The following CPM variants were observed in gnomAD, a reference collection of about 807,000 sequenced individuals.
The protein encoded by CPM is carboxypeptidase M, also known as renal carboxypeptidase.
A neutral mutation model predicts 46.4 loss-of-function variants in CPM; 35 were observed. The ratio of observed to expected loss-of-function variants is 0.75; its 90% CI spans 0.58 to 1.00. The LOEUF (loss-of-function observed/expected upper bound fraction) is 1.00, where lower values mean the gene tolerates loss of function less well. Among genes scored for constraint, CPM ranks in the 50% least tolerant of loss-of-function variants. CPM has a pLI of 0.00. For synonymous variants in CPM, 195 were observed against 195.3 expected (o/e 1.00, Z 0.01); for missense variants, 422 against 530.4 (o/e 0.80, Z 2.01).
upstream of CPM, chr12:68,963,322 C>A: frequency 6.1e-6 from 1 of 162,756 alleles, no homozygotes; most frequent in Non-Finnish European, 1.3e-5. Context: ...ACATCATACC[C>A]TTTTGTCCAG....
chr12:68,880,704 C>A (rs74099458), intron 3 of CPM, among the ~76,000 whole-genome samples: 2 of 152,140 alleles, frequency 1.3e-5, no homozygotes, highest in African/African-American at 4.8e-5. Context: ...CCTGGGCCCC[C>A]TTCATGGTAC....
intron 1 of CPM, among the ~76,000 whole-genome samples, chr12:68,944,233 G>A (rs61926309): frequency 0.16 from 25,023 of 152,028 alleles, 2,143 homozygotes; most frequent in Middle Eastern, 0.2. Flanking sequence ...CTAATAATAT[G>A]CTAAGCACTA....
At chr12:68,872,513 A>C (rs1285159350) in intron 3 of CPM, among the ~76,000 whole-genome samples, 1 of 152,160 alleles carries the variant, frequency 6.6e-6, no homozygotes, top group South Asian at 2.1e-4. Context: ...TCAGACACCC[A>C]AAGTGCTGGG....
chr12:68,859,316 A>G (rs530475688), intron 7 of CPM, among the ~76,000 whole-genome samples: 1 of 152,340 alleles, frequency 6.6e-6, no homozygotes, highest in Admixed American at 6.5e-5. Context: ...AGTACGTATT[A>G]TCACAGTGAG....
At chr12:68,933,322 G>A (rs994531907), upstream of CPM, 2 of 151,770 alleles carry the variant, frequency 1.3e-5, no homozygotes, top group African/African-American at 4.8e-5. Flanking sequence ...GAGAGACGGC[G>A]CCCGCGCGGT....
chr12:68,924,737 A>T (rs991547727), intron 2 of CPM, among the ~76,000 whole-genome samples: 2 of 152,196 alleles, frequency 1.3e-5, no homozygotes, highest in Non-Finnish European at 2.9e-5. Flanking sequence ...GATCTCAAGC[A>T]AACTGGTTTT....
chr12:68,928,850 CTG>C (rs1888381543), intron 2 of CPM, among the ~76,000 whole-genome samples: 4 of 151,984 alleles, frequency 2.6e-5, no homozygotes, highest in Non-Finnish European at 5.9e-5. Context: ...AGTGATTCTC[CTG>C]CCTCAGTTTC....
At chr12:68,918,612 TAATCC>T (rs200988350) in intron 2 of CPM, among the ~76,000 whole-genome samples, 6 of 151,582 alleles carry the variant, frequency 4.0e-5, no homozygotes, top group Admixed American at 1.3e-4. Flanking sequence ...CAATCCAATC[TAATCC>T]AATCCAATCC....
At chr12:68,946,759 C>T (rs1269796546) in intron 1 of CPM, among the ~76,000 whole-genome samples, 3 of 152,116 alleles carry the variant, frequency 2.0e-5, no homozygotes, top group Non-Finnish European at 2.9e-5. Flanking sequence ...ATGCAAATAG[C>T]GATACTACCA....
At chr12:68,943,812 C>A (rs1037262022) in intron 1 of CPM, among the ~76,000 whole-genome samples, 6 of 151,986 alleles carry the variant, frequency 3.9e-5, no homozygotes, top group Non-Finnish European at 8.8e-5. Context: ...AATATACTTA[C>A]TGAAATTTAT....
At chr12:68,957,689 G>GATTATTATTATTATTATT (rs58290286) in intron 1 of CPM, 103 of 151,746 alleles carry the variant, frequency 6.8e-4, no homozygotes, top group African/African-American at 2.1e-3. Flanking sequence ...CTAAAAAGGG[G>GATTATTATTATTATTATT]ATTATTATTA....
At chr12:68,889,546 A>G (rs1274189501) in intron 2 of CPM, among the ~76,000 whole-genome samples, 1 of 152,180 alleles carries the variant, frequency 6.6e-6, no homozygotes, top group South Asian at 2.1e-4. Flanking sequence ...ATAATGGATG[A>G]GGCCAGGTGT....
At chr12:68,954,328 G>A (rs1888979223) in intron 1 of CPM, among the ~76,000 whole-genome samples, 1 of 152,110 alleles carries the variant, frequency 6.6e-6, no homozygotes, top group African/African-American at 2.4e-5. Flanking sequence ...CTCTGAAACT[G>A]CCCTATAAAG....
intron 2 of CPM, among the ~76,000 whole-genome samples, chr12:68,922,066 C>T (rs2136307944): frequency 6.6e-6 from 1 of 152,186 alleles, no homozygotes; most frequent in East Asian, 1.9e-4. Flanking sequence ...TCTATGTGAA[C>T]ATAGAGTTAC....
intron 2 of CPM, chr12:68,913,895 T>G (rs933753039): frequency 4.3e-6 from 3 of 700,378 alleles, no homozygotes; most frequent in East Asian, 2.6e-5. Context: ...GACCTCAGTA[T>G]GCAACAAGAT....
At chr12:68,948,282 C>G (rs1888879268) in intron 1 of CPM, among the ~76,000 whole-genome samples, 1 of 152,100 alleles carries the variant, frequency 6.6e-6, no homozygotes. Context: ...AAGTGTGAAG[C>G]TATCTGTTTT....
intron 1 of CPM, among the ~76,000 whole-genome samples, chr12:68,942,228 CCAAA>C (rs1303233215): frequency 6.6e-6 from 1 of 152,068 alleles, no homozygotes; most frequent in Admixed American, 6.5e-5. Context: ...CTATCAAAAA[CCAAA>C]CAGAGTAGTT....
At chr12:68,956,780 C>T (rs1405475105) in intron 1 of CPM, among the ~76,000 whole-genome samples, 1 of 152,196 alleles carries the variant, frequency 6.6e-6, no homozygotes, top group East Asian at 1.9e-4. Context: ...TGTAAAAGCT[C>T]TATTAATGGC....
At chr12:68,954,559 T>C (rs899318540) in intron 1 of CPM, among the ~76,000 whole-genome samples, 3 of 152,086 alleles carry the variant, frequency 2.0e-5, no homozygotes, top group African/African-American at 4.8e-5. Flanking sequence ...TGTGTACCCC[T>C]CTCCTTAGAT....
Sources: gnomAD v4.1 joint callset for allele counts (sites outside exome capture counted in the v4.1 genomes callset) on GRCh38, gnomAD v4.1.1 for gene constraint, MANE v1.5 for transcripts, NCBI Gene and HGNC (gene_info 2026-07-23, HGNC 2026-07-21) for gene names.